FRMPD4: variants seen among roughly 807,000 people sequenced by gnomAD.
FRMPD4 encodes the protein FERM and PDZ domain containing 4.
In FRMPD4, 22 loss-of-function variants were observed where a neutral mutation model predicts 94.1. The observed-to-expected ratio is 0.23, with a 90% CI of 0.17 to 0.33. The LOEUF (loss-of-function observed/expected upper bound fraction) is 0.33. Ranked by LOEUF, FRMPD4 falls within the 10% of genes least tolerant of loss-of-function variation. The pLI, the probability that FRMPD4 is intolerant of heterozygous loss-of-function variation, is 1.00. For synonymous variants in FRMPD4, 631 were observed against 548.6 expected, an observed-to-expected ratio of 1.15 and a Z score of -2.10; for missense variants, 1,111 against 1,339.9, an observed-to-expected ratio of 0.83 and a Z score of 2.67.
At chrX:12,021,256 C>T (rs1701412279) in intron 3 of FRMPD4, among the ~76,000 whole-genome samples, 1 of 110,827 alleles carries the variant, frequency 9.0e-6, no homozygotes, top group Non-Finnish European at 1.9e-5. Context: ...TTTTTCTTTC[C>T]CAAATGAGAA....
At chrX:11,953,796 G>A (rs2054239609) in intron 3 of FRMPD4, among the ~76,000 whole-genome samples, 1 of 111,972 alleles carries the variant, frequency 8.9e-6, no homozygotes, top group Non-Finnish European at 1.9e-5. Flanking sequence ...GATGCTATTG[G>A]CAGGCATTTT....
intron 3 of FRMPD4, among the ~76,000 whole-genome samples, chrX:11,911,305 T>C (rs2076188883): frequency 8.9e-6 from 1 of 112,529 alleles, no homozygotes; most frequent in Admixed American, 9.4e-5. Flanking sequence ...TTTGTCTCTG[T>C]ACATATGTTT....
intron 1 of FRMPD4, among the ~76,000 whole-genome samples, chrX:12,147,595 G>A (rs986628733): frequency 1.8e-5 from 2 of 111,532 alleles, no homozygotes; most frequent in Non-Finnish European, 3.8e-5. Flanking sequence ...TTTGATCTGT[G>A]TCTCATTTAT....
At chrX:12,160,848 G>A (rs1337329947) in intron 1 of FRMPD4, among the ~76,000 whole-genome samples, 2 of 110,909 alleles carry the variant, frequency 1.8e-5, no homozygotes, top group African/African-American at 6.6e-5. Context: ...ATGAGTACTG[G>A]TAATAGCAAT....
At chrX:12,672,704 T>C (rs2059856090) in intron 4 of FRMPD4, among the ~76,000 whole-genome samples, 1 of 111,949 alleles carries the variant, frequency 8.9e-6, no homozygotes, top group Non-Finnish European at 1.9e-5. Context: ...CAGTTCATCT[T>C]AGCACCCTGT....
intron 2 of FRMPD4, among the ~76,000 whole-genome samples, chrX:12,566,253 T>G (rs963087415): frequency 6.3e-5 from 7 of 111,369 alleles, no homozygotes; most frequent in Non-Finnish European, 1.9e-5. Flanking sequence ...GAAAAAGAAC[T>G]GTGACAGGCT....
At chrX:12,568,399 T>A (rs2058732048) in intron 2 of FRMPD4, among the ~76,000 whole-genome samples, 1 of 112,513 alleles carries the variant, frequency 8.9e-6, no homozygotes, top group African/African-American at 3.2e-5. Context: ...GGCCAATTGA[T>A]AAAATATTTT....
At chrX:12,125,051 G>A (rs1257258743) in intron 3 of FRMPD4, among the ~76,000 whole-genome samples, 1 of 111,942 alleles carries the variant, frequency 8.9e-6, no homozygotes, top group Non-Finnish European at 1.9e-5. Context: ...CCACTGACTG[G>A]GTTCTTAAGT....
At chrX:12,432,577 G>C (rs12014430) in intron 1 of FRMPD4, among the ~76,000 whole-genome samples, 1 of 112,033 alleles carries the variant, frequency 8.9e-6, no homozygotes, top group Admixed American at 9.5e-5. Flanking sequence ...GAGGGGCTCA[G>C]TTCCTCTCTG....
At chrX:12,303,501 A>C (rs1249654241) in intron 1 of FRMPD4, among the ~76,000 whole-genome samples, 3 of 111,880 alleles carry the variant, frequency 2.7e-5, no homozygotes, top group Non-Finnish European at 5.6e-5. Flanking sequence ...CAGAATATGG[A>C]GCAATTGATA....
rs908297797 is a variant in FRMPD4, at chrX:12,722,584, G to A, written c.*726G>A. On this transcript the variant is annotated 3_prime_UTR_variant, in exon 17 of 17. Coordinates refer to ENST00000675598, the MANE Select transcript of FRMPD4 (RefSeq NM_001368397.1). ...GGGAGAAGAACAGAGGGGATGATGG[G>A]CAGTTTCCTAGGTAACACCTAGAGT... 2 of 110,756 alleles carry A rather than the reference G, an allele frequency of 1.8e-5. No homozygotes were observed. The highest frequency in any genetic ancestry group is 6.6e-5 in the African/African-American group (2 of 30,458). The allele number at this position is 110,756 out of a possible 1,213,427, so 9.1% of individuals were successfully genotyped here.
chrX:12,676,194 G>A (rs771959860), intron 5 of FRMPD4, among the ~76,000 whole-genome samples: 2 of 112,256 alleles, frequency 1.8e-5, no homozygotes, highest in Admixed American at 9.4e-5. Flanking sequence ...AAACGAGTCA[G>A]CAGTGACTAC....
intron 1 of FRMPD4, among the ~76,000 whole-genome samples, chrX:12,429,871 G>C (rs1003983185): frequency 2.7e-5 from 3 of 111,773 alleles, no homozygotes; most frequent in African/African-American, 9.8e-5. Context: ...GCTTCAGGGA[G>C]TGTTTGTCTA....
chrX:12,241,357 T>C (rs1463085538), intron 1 of FRMPD4, among the ~76,000 whole-genome samples: 1 of 112,442 alleles, frequency 8.9e-6, no homozygotes, highest in East Asian at 2.8e-4. Context: ...AAATGGAAGG[T>C]AGAGAAGTGG....
At chrX:12,104,367 G>A (rs957930293) in intron 3 of FRMPD4, among the ~76,000 whole-genome samples, 1 of 112,180 alleles carries the variant, frequency 8.9e-6, no homozygotes, top group Non-Finnish European at 1.9e-5. Context: ...AAAGGCCAGG[G>A]GAGAGGTGAT....
At chrX:12,481,226 AT>A (rs1338888781) in intron 1 of FRMPD4, among the ~76,000 whole-genome samples, 1 of 110,370 alleles carries the variant, frequency 9.1e-6, no homozygotes, top group Non-Finnish European at 1.9e-5. Context: ...CAGCTTTTCT[AT>A]TGTCAGGATT....
At chrX:12,584,757 G>A (rs901839542) in intron 2 of FRMPD4, among the ~76,000 whole-genome samples, 2 of 111,979 alleles carry the variant, frequency 1.8e-5, no homozygotes, top group Non-Finnish European at 3.8e-5. Context: ...GTGAGGGGTT[G>A]CATTTCAGGA....
intron 3 of FRMPD4, among the ~76,000 whole-genome samples, chrX:11,980,044 C>G (rs1212689203): frequency 9.0e-6 from 1 of 111,631 alleles, no homozygotes; most frequent in Admixed American, 9.5e-5. Flanking sequence ...TGTGTATGCA[C>G]ATGTGTATGT....
chrX:12,594,327 G>A (rs1235287394), intron 2 of FRMPD4, among the ~76,000 whole-genome samples: 1 of 111,922 alleles, frequency 8.9e-6, no homozygotes, highest in African/African-American at 3.2e-5. Flanking sequence ...TAGGTTAAAT[G>A]TTTTACATCT....
Sources: gnomAD v4.1 joint callset for allele counts (sites outside exome capture counted in the v4.1 genomes callset) on GRCh38, gnomAD v4.1.1 for gene constraint, MANE v1.5 for transcripts, NCBI Gene and HGNC (gene_info 2026-07-23, HGNC 2026-07-21) for gene names.